Variants in MITF observed in about 807,000 individuals in gnomAD.
MITF encodes microphthalmia-associated transcription factor.
MITF carries 17 observed loss-of-function variants against 60.5 expected under a neutral mutation model. That is an observed-to-expected ratio of 0.28 (90% CI 0.19 to 0.42). The LOEUF is 0.42. Ranked by LOEUF, MITF falls within the 10% of genes least tolerant of loss-of-function variation. The probability of loss-of-function intolerance (pLI) is 1.00; values close to 1 mark genes in which losing one functional copy is unlikely to be tolerated. For synonymous variants in MITF, 260 were observed against 248.5 expected (o/e 1.05, Z -0.43); for missense variants, 622 against 683.5 (o/e 0.91, Z 1.00).
At chr3:69,886,005 C>T (rs997982002) in intron 2 of MITF, among the ~76,000 whole-genome samples, 1 of 152,084 alleles carries the variant, frequency 6.6e-6, no homozygotes, top group Non-Finnish European at 1.5e-5. Flanking sequence ...GGAACTGTCA[C>T]AGAGGGGTCA....
chr3:69,772,432 A>G (rs1272544231), intron 1 of MITF, among the ~76,000 whole-genome samples: 3 of 152,218 alleles, frequency 2.0e-5, no homozygotes, highest in Non-Finnish European at 2.9e-5. Context: ...GGGATGTCCA[A>G]TCTAAGCAAA....
At chr3:69,850,130 GTAA>G (rs1214248209) in intron 1 of MITF, among the ~76,000 whole-genome samples, 2 of 152,138 alleles carry the variant, frequency 1.3e-5, no homozygotes, top group African/African-American at 4.8e-5. Flanking sequence ...CCTCCCATAA[GTAA>G]TAAGCTCCCA....
chr3:69,805,759 A>G (rs1324540929), intron 1 of MITF, among the ~76,000 whole-genome samples: 1 of 151,940 alleles, frequency 6.6e-6, no homozygotes, highest in Non-Finnish European at 1.5e-5. Flanking sequence ...CCTGGCCTCA[A>G]GCAATCCTCC....
rs546758330 is a variant in MITF, at chr3:69,777,679, A to C, written c.104+37978A>C. On this transcript the variant is annotated intron_variant, in intron 1 of 9. Coordinates refer to ENST00000352241, the MANE Select transcript of MITF (RefSeq NM_001354604.2). Reference sequence around the variant, plus strand: ...ATGGAAGTGCTGATGAAATTCCTAGATTATATGATCTAGAAGGACAAGTCA... The same window carrying C: ...ATGGAAGTGCTGATGAAATTCCTAGCTTATATGATCTAGAAGGACAAGTCA... Among the ~76,000 whole-genome samples the C allele has an allele frequency of 3.9e-5, 6 of 152,290 alleles. No homozygotes were observed. The South Asian group carries it at 1.2e-3, about 32-fold the overall frequency.
At chr3:69,868,538 G>A (rs2064159668) in intron 1 of MITF, among the ~76,000 whole-genome samples, 1 of 152,140 alleles carries the variant, frequency 6.6e-6, no homozygotes, top group African/African-American at 2.4e-5. Flanking sequence ...GAGGGGCCGT[G>A]TTTGGTCCTG....
intron 2 of MITF, among the ~76,000 whole-genome samples, chr3:69,909,142 G>A (rs1553697562): frequency 6.6e-6 from 1 of 152,106 alleles, no homozygotes; most frequent in Non-Finnish European, 1.5e-5. Flanking sequence ...ATTGAATCAT[G>A]AGGGCTGGTC....
intron 2 of MITF, among the ~76,000 whole-genome samples, chr3:69,920,512 T>C (rs2065441671): frequency 6.6e-6 from 1 of 152,132 alleles, no homozygotes; most frequent in Non-Finnish European, 1.5e-5. Flanking sequence ...CAGTAGTAAA[T>C]TAGTGAAAGT....
intron 1 of MITF, among the ~76,000 whole-genome samples, chr3:69,820,478 C>A (rs1198262745): frequency 6.7e-6 from 1 of 148,230 alleles, no homozygotes; most frequent in Non-Finnish European, 1.5e-5. Flanking sequence ...TTTTTTTTTT[C>A]AGTTGTAAAA....
intron 1 of MITF, among the ~76,000 whole-genome samples, chr3:69,869,102 C>T (rs913208596): frequency 3.9e-5 from 6 of 152,136 alleles, no homozygotes; most frequent in Non-Finnish European, 8.8e-5. Flanking sequence ...AATAAGGGTG[C>T]ACCAACTCTA....
At chr3:69,886,768 C>T (rs1009106358) in intron 2 of MITF, among the ~76,000 whole-genome samples, 2 of 151,844 alleles carry the variant, frequency 1.3e-5, no homozygotes, top group Admixed American at 6.6e-5. Flanking sequence ...CCACATTGAC[C>T]CCCGTGGTAA....
chr3:69,780,846 T>C (rs1183681484), intron 1 of MITF, among the ~76,000 whole-genome samples: 4 of 152,210 alleles, frequency 2.6e-5, no homozygotes, highest in Non-Finnish European at 4.4e-5. Context: ...TGTTAGTTAA[T>C]GCAAGTTGCT....
chr3:69,824,335 T>C (rs2107064200), intron 1 of MITF, among the ~76,000 whole-genome samples: 1 of 152,270 alleles, frequency 6.6e-6, no homozygotes, highest in Admixed American at 6.5e-5. Context: ...CACAAGAACA[T>C]GTCAATATCA....
At chr3:69,896,886 CAG>C (rs1159628306) in intron 2 of MITF, among the ~76,000 whole-genome samples, 8 of 152,106 alleles carry the variant, frequency 5.3e-5, no homozygotes, top group Admixed American at 3.9e-4. Context: ...AGTTCAGCCT[CAG>C]AAGGTGAGGG....
chr3:69,815,581 T>C (rs62251029), intron 1 of MITF, among the ~76,000 whole-genome samples: 24,937 of 152,204 alleles, frequency 0.16, 2,204 homozygotes, highest in South Asian at 0.21. Context: ...ATAAATGTAA[T>C]ATACAAAATA....
At position 69,967,871 on chromosome 3, in the gene MITF, A is replaced by T. The variant is rs952892990; in HGVS notation, c.*2623A>T. 3 of 233,194 alleles carry T rather than the reference A, an allele frequency of 1.3e-5. No individual in the cohort carries two copies. The highest frequency in any genetic ancestry group is 2.5e-5 in the Non-Finnish European group (3 of 117,920). 14.4% of individuals were successfully genotyped at this position (233,194 alleles called of 1,614,324 possible). A position where few individuals can be genotyped will look rare whatever the true frequency, so the allele number is the denominator to read the frequency against. On this transcript the variant is annotated 3_prime_UTR_variant, in exon 10 of 10. Transcript: ENST00000352241. ...TTGTAACTCGGGGTTGGGCCTCTAT[A>T]TGGAGTGACCAAAATGCCAAAATTG...
chr3:69,751,046 G>A (rs890404822), intron 1 of MITF, among the ~76,000 whole-genome samples: 2 of 152,082 alleles, frequency 1.3e-5, no homozygotes, highest in Non-Finnish European at 2.9e-5. Context: ...ACCATAAGGA[G>A]CCCTGGCCCA....
At chr3:69,937,291 CA>C (rs1470967775) in intron 2 of MITF, 1 of 167,120 alleles carries the variant, frequency 6.0e-6, no homozygotes, top group Non-Finnish European at 1.3e-5. Context: ...AATTAATCCA[CA>C]ACTAGTTGAT....
intron 1 of MITF, among the ~76,000 whole-genome samples, chr3:69,854,388 T>C (rs1277142350): frequency 2.6e-5 from 4 of 152,232 alleles, no homozygotes; most frequent in African/African-American, 9.6e-5. Context: ...AATGGTGTAG[T>C]ATTTTCATAT....
chr3:69,832,422 C>G (rs1477464614), intron 1 of MITF, among the ~76,000 whole-genome samples: 2 of 152,196 alleles, frequency 1.3e-5, no homozygotes, highest in African/African-American at 4.8e-5. Flanking sequence ...TGTGTTAGAC[C>G]TTGGGCAAGA....
Sources: gnomAD v4.1 joint callset for allele counts (sites outside exome capture counted in the v4.1 genomes callset) on GRCh38, gnomAD v4.1.1 for gene constraint, MANE v1.5 for transcripts, NCBI Gene and HGNC (gene_info 2026-07-23, HGNC 2026-07-21) for gene names.